Variants in GPC5 observed in about 807,000 individuals in gnomAD.
GPC5 encodes the protein glypican 5, also known as glypican-5.
GPC5 carries 47 observed loss-of-function variants against 53.9 expected under a neutral mutation model. The ratio of observed to expected loss-of-function variants is 0.87; its 90% CI spans 0.69 to 1.11. The LOEUF is 1.11. Among genes scored for constraint, GPC5 ranks in the 50% most tolerant of loss-of-function variants. The pLI is 0.00. For missense variants in GPC5, 748 were observed against 713.1 expected, an observed-to-expected ratio of 1.05 and a Z score of -0.56; for synonymous variants, 286 against 263.3, an observed-to-expected ratio of 1.09 and a Z score of -0.84.
At chr13:92,561,420 A>G (rs1398778920) in intron 7 of GPC5, among the ~76,000 whole-genome samples, 1 of 152,074 alleles carries the variant, frequency 6.6e-6, no homozygotes, top group South Asian at 2.1e-4. Flanking sequence ...AGTCACTTAA[A>G]TGCTCAATGC....
chr13:92,313,253 A>G (rs948547598), intron 7 of GPC5, among the ~76,000 whole-genome samples: 1 of 152,216 alleles, frequency 6.6e-6, no homozygotes, highest in African/African-American at 2.4e-5. Flanking sequence ...AGCAGAGGTG[A>G]CTGAAGTAGA....
At position 92,471,840 on chromosome 13, in the gene GPC5, T is replaced by C. The variant is rs182703875; in HGVS notation, c.1561+326851T>C. Among the ~76,000 whole-genome samples the C allele has an allele frequency of 3.3e-5, 5 of 152,238 alleles. No individual in the cohort carries two copies. In the East Asian group the frequency reaches 9.7e-4, roughly 29 times the overall value. On this transcript the variant is annotated intron_variant, in intron 7 of 7. Transcript: ENST00000377067. ...AGGCATTTGCATGCTTGATTCACAA[T>C]GAGACTCAAAATGTGGAGCTGGAGG...
chr13:91,921,379 G>C (rs1223712345), intron 6 of GPC5, among the ~76,000 whole-genome samples: 5 of 151,994 alleles, frequency 3.3e-5, no homozygotes, highest in African/African-American at 1.2e-4. Context: ...AGTTTTCTAA[G>C]TCAAAAAAAA....
intron 6 of GPC5, among the ~76,000 whole-genome samples, chr13:91,949,234 T>C (rs1185271245): frequency 6.6e-6 from 1 of 152,228 alleles, no homozygotes; most frequent in East Asian, 1.9e-4. Context: ...CATCTCCATG[T>C]GTTTTCAGAA....
chr13:92,842,524 A>C lies in GPC5; in HGVS notation c.1562-23758A>C, dbSNP rs1181922690. Among the ~76,000 whole-genome samples, 6 of 152,154 alleles carry C rather than the reference A, an allele frequency of 3.9e-5. No individual in the cohort carries two copies. The East Asian group carries it at 1.2e-3, about 29-fold the overall frequency. ...ATCTCTCAGGTTACTAGGCATACAA[A>C]TAACATTTAAAAATGGCCCATGAAC... is the stretch of plus-strand genomic sequence containing the variant. On this transcript the variant is annotated intron_variant, in intron 7 of 7. Transcript: ENST00000377067.
chr13:91,572,571 G>T (rs929136191), intron 2 of GPC5, among the ~76,000 whole-genome samples: 2 of 151,832 alleles, frequency 1.3e-5, no homozygotes, highest in Non-Finnish European at 2.9e-5. Context: ...GAGGTGCCAG[G>T]CTCTTTAAAC....
chr13:91,405,264 G>C (rs1417359171), intron 1 of GPC5, among the ~76,000 whole-genome samples: 2 of 152,152 alleles, frequency 1.3e-5, no homozygotes, highest in Non-Finnish European at 2.9e-5. Context: ...GTGCTGTCCT[G>C]TGTATTGTAG....
chr13:92,392,656 T>G (rs1258204105), intron 7 of GPC5, among the ~76,000 whole-genome samples: 1 of 152,146 alleles, frequency 6.6e-6, no homozygotes, highest in Non-Finnish European at 1.5e-5. Context: ...ACTATGCATC[T>G]GACAAGGGTC....
At chr13:92,122,850 T>A (rs376174490) in intron 6 of GPC5, among the ~76,000 whole-genome samples, 39 of 151,078 alleles carry the variant, frequency 2.6e-4, no homozygotes, top group African/African-American at 9.0e-4. Flanking sequence ...TTCAGAATGG[T>A]TAAAATATAC....
chr13:92,294,582 TTC>T (rs2043020447), intron 7 of GPC5, among the ~76,000 whole-genome samples: 1 of 152,114 alleles, frequency 6.6e-6, no homozygotes, highest in African/African-American at 2.4e-5. Flanking sequence ...GTTTTGGATT[TTC>T]TCTCTTTTTC....
At chr13:92,807,305 G>C (rs746071462) in intron 7 of GPC5, among the ~76,000 whole-genome samples, 4 of 152,006 alleles carry the variant, frequency 2.6e-5, no homozygotes, top group Non-Finnish European at 5.9e-5. Context: ...AAAACAAAAA[G>C]AGACATATTT....
At chr13:91,421,342 C>T (rs1878617395) in intron 1 of GPC5, among the ~76,000 whole-genome samples, 1 of 152,028 alleles carries the variant, frequency 6.6e-6, no homozygotes, top group Admixed American at 6.5e-5. Flanking sequence ...CATGCCTCTT[C>T]AGAAATTGTA....
At chr13:92,029,374 C>A (rs1331131337) in intron 6 of GPC5, among the ~76,000 whole-genome samples, 2 of 152,212 alleles carry the variant, frequency 1.3e-5, no homozygotes, top group Non-Finnish European at 2.9e-5. Context: ...TTGTCACATT[C>A]ATTTCTTGAC....
At chr13:92,677,881 C>T (rs1241837485) in intron 7 of GPC5, among the ~76,000 whole-genome samples, 1 of 152,080 alleles carries the variant, frequency 6.6e-6, no homozygotes, top group South Asian at 2.1e-4. Context: ...ATCTTCAGCT[C>T]GGTGGGTCCC....
chr13:91,649,332 G>A (rs911349899), intron 2 of GPC5, among the ~76,000 whole-genome samples: 1 of 152,046 alleles, frequency 6.6e-6, no homozygotes, highest in African/African-American at 2.4e-5. Flanking sequence ...CCTCTACATT[G>A]GATATACCAC....
At chr13:92,381,909 G>C (rs146725080) in intron 7 of GPC5, among the ~76,000 whole-genome samples, 7,842 of 122,016 alleles carry the variant, frequency 0.064, 631 homozygotes, top group African/African-American at 0.16. Flanking sequence ...TCATATATAT[G>C]ATATATATAA....
At chr13:91,586,416 T>A (rs563651596) in intron 2 of GPC5, among the ~76,000 whole-genome samples, 1 of 142,436 alleles carries the variant, frequency 7.0e-6, no homozygotes, top group Admixed American at 7.3e-5. Flanking sequence ...AGAGCTTTAA[T>A]TGACTGACAG....
intron 7 of GPC5, among the ~76,000 whole-genome samples, chr13:92,323,968 C>T (rs1170715053): frequency 6.6e-6 from 1 of 151,794 alleles, no homozygotes; most frequent in Admixed American, 6.6e-5. Flanking sequence ...TGTTCTTTTG[C>T]CTGCTGTATT....
chr13:92,219,979 C>T (rs1270321116), intron 7 of GPC5, among the ~76,000 whole-genome samples: 1 of 152,056 alleles, frequency 6.6e-6, no homozygotes, highest in Non-Finnish European at 1.5e-5. Flanking sequence ...TCATTCTTTC[C>T]TTGCTTTGTT....
Sources: allele counts gnomAD v4.1 joint callset (sites outside exome capture counted in the v4.1 genomes callset), GRCh38; gene constraint gnomAD v4.1.1; transcripts MANE v1.5; gene names NCBI Gene and HGNC (gene_info 2026-07-23, HGNC 2026-07-21).